Variants in ALDH9A1 observed in about 807,000 individuals in gnomAD.
ALDH9A1 encodes aldehyde dehydrogenase 9 family member A1, also known as 4-trimethylaminobutyraldehyde dehydrogenase.
Under a neutral mutation model 56.6 loss-of-function variants are expected in ALDH9A1, and 42 were observed. The ratio of observed to expected loss-of-function variants is 0.74; its 90% CI spans 0.58 to 0.96. ALDH9A1 has a LOEUF of 0.96. ALDH9A1 is among the 40% of genes least tolerant of loss of function. ALDH9A1 has a pLI of 0.00. For missense variants in ALDH9A1, 661 were observed against 651.5 expected (o/e 1.01, Z -0.16); for synonymous variants, 242 against 236.0 (o/e 1.03, Z -0.23).
chr1:165,663,010 T>A lies in ALDH9A1; in HGVS notation c.*40A>T. 6.5e-7 allele frequency: 1 copy of A among 1,550,340 alleles called. No individual in the cohort carries two copies. The highest frequency in any genetic ancestry group is 8.9e-7 in the Non-Finnish European group (1 of 1,121,954). On this transcript the variant is annotated 3_prime_UTR_variant, in exon 11 of 11. Coordinates refer to ENST00000354775, the MANE Select transcript of ALDH9A1 (RefSeq NM_000696.4). ...TGTAAACAGGGCCAATTCACATCAT[T>A]CCACAGCGTGGCCATGTCAATAGGT...
intron 2 of ALDH9A1, among the ~76,000 whole-genome samples, chr1:165,694,669 AAG>A (rs1226678664): frequency 1.3e-5 from 2 of 152,190 alleles, no homozygotes; most frequent in African/African-American, 2.4e-5. Context: ...TTTAAAAAGA[AAG>A]AAAGGCTGGG....
chr1:165,695,076 C>T (rs1004909576), intron 2 of ALDH9A1, among the ~76,000 whole-genome samples, 176 bp downstream of exon 2: 1 of 152,036 alleles, frequency 6.6e-6, no homozygotes, highest in Non-Finnish European at 1.5e-5. Context: ...AGCCAACATC[C>T]AGATGGGAAG....
intron 3 of ALDH9A1, among the ~76,000 whole-genome samples, chr1:165,682,565 G>A (rs565878710): frequency 1.3e-5 from 2 of 152,282 alleles, no homozygotes; most frequent in Non-Finnish European, 2.9e-5. Flanking sequence ...CTCAACAGCA[G>A]GGGAAGCATG....
At chr1:165,664,920 C>T in intron 10 of ALDH9A1, 98 bp downstream of exon 10, 1 of 905,660 alleles carries the variant, frequency 1.1e-6, no homozygotes, top group Non-Finnish European at 1.8e-6. Context: ...CCAGGTAATT[C>T]AGATATGCAG....
At chr1:165,676,852 G>T in intron 6 of ALDH9A1, 1 of 290,766 alleles carries the variant, frequency 3.4e-6, no homozygotes, top group Non-Finnish European at 6.5e-6. Context: ...AGAGAAGTGT[G>T]GTGTCCTCTC....
rs1004909511 is a variant in ALDH9A1 at position 165,669,040 on chromosome 1, G to A, written c.1120-27C>T. The A allele has an allele frequency of 8.4e-6, 13 of 1,545,510 alleles. No homozygotes were observed. The African/African-American group carries it at 1.1e-4, about 13-fold the overall frequency. ...TGCCGAAAAGGAAAAAAGATATGTT[G>A]TATTAAAAATATAACCCCAAAATGC... is the stretch of plus-strand genomic sequence containing the variant. On this transcript the variant is annotated intron_variant, in intron 7 of 10. Transcript: ENST00000354775.
chr1:165,665,261 A>G, intron 9 of ALDH9A1, 131 bp from the exon 10 acceptor site: 1 of 720,004 alleles, frequency 1.4e-6, no homozygotes, highest in Admixed American at 2.7e-5. Context: ...ATGTTTTAAA[A>G]TCTTTTATCA....
At chr1:165,696,690 C>G (rs1187796790) in intron 1 of ALDH9A1, among the ~76,000 whole-genome samples, 3 of 152,114 alleles carry the variant, frequency 2.0e-5, no homozygotes, top group African/African-American at 7.2e-5. Context: ...CTGCCTCTAC[C>G]AACAAGAATT....
chr1:165,671,377 A>T (rs1649174487), intron 6 of ALDH9A1: 1 of 453,024 alleles, frequency 2.2e-6, no homozygotes. Flanking sequence ...GACGACATGA[A>T]GGAGCAGATT....
intron 10 of ALDH9A1, among the ~76,000 whole-genome samples, 193 bp downstream of exon 10, chr1:165,664,825 A>C (rs1212110622): frequency 6.6e-6 from 1 of 152,222 alleles, no homozygotes; most frequent in Non-Finnish European, 1.5e-5. Flanking sequence ...AGATTTAGGG[A>C]GTGTTGGGTA....
chr1:165,673,612 C>T (rs1649251378), intron 6 of ALDH9A1, among the ~76,000 whole-genome samples: 1 of 152,150 alleles, frequency 6.6e-6, no homozygotes, highest in Admixed American at 6.5e-5. Context: ...CTCTGGATAT[C>T]ACCTTTTGTC....
At position 165,664,895 on chromosome 1, in the gene ALDH9A1, G is replaced by C; in HGVS notation, c.1462+123C>G. On this transcript the variant is annotated intron_variant, in intron 10 of 10. Transcript: ENST00000354775. ...CTACAGTGGATCTGGGGAAGGACCA[G>C]GAACCTGTATTTCCCCAGGTAATTC... The C allele has an allele frequency of 4.1e-6, 3 of 739,338 alleles. No individual in the cohort carries two copies. The South Asian group carries it at 5.3e-5, about 13-fold the overall frequency. The allele number at this position is 739,338 out of a possible 1,614,324, so 45.8% of individuals were successfully genotyped here. A position where few individuals can be genotyped will look rare whatever the true frequency, so the allele number is the denominator to read the frequency against.
intron 2 of ALDH9A1, among the ~76,000 whole-genome samples, chr1:165,686,535 G>C (rs1464275831): frequency 1.4e-5 from 2 of 147,142 alleles, no homozygotes; most frequent in African/African-American, 2.5e-5. Context: ...AAAAGCCCCA[G>C]AACTCACACA....
chr1:165,669,488 T>A, intron 6 of ALDH9A1, 38 bp from the exon 7 acceptor site: 1 of 1,518,418 alleles, frequency 6.6e-7, no homozygotes, highest in Non-Finnish European at 8.8e-7. Context: ...TCTATGTGTG[T>A]AAGGAGAAAA....
intron 2 of ALDH9A1, among the ~76,000 whole-genome samples, chr1:165,694,053 CG>C (rs1269328156): frequency 2.0e-5 from 1 of 50,402 alleles, no homozygotes; most frequent in Non-Finnish European, 3.8e-5. Context: ...CATCACACAC[CG>C]GGGCCGTAGG....
Position 165,663,121 on chromosome 1 carries a change from C to T in ALDH9A1, c.1486G>A (p.Val496Met), listed in dbSNP as rs1230653583. The change falls in exon 11 of 11, where the codon GTG (valine) becomes ATG (methionine). Residue 496 changes from valine (V) to methionine (M), a missense_variant. Val to Met is a conservative substitution (Grantham distance 21). Coordinates refer to ENST00000354775, the MANE Select transcript of ALDH9A1 (RefSeq NM_000696.4). ...KSGFGRENGRVTIEYYSQLKT... is the reference protein window; with the variant it reads ...KSGFGRENGRMTIEYYSQLKT... ...AGCTGTGAATAATATTCGATTGTCA[C>T]ACGGCCGTTCTCTCTGCCAAATCCT... 9 of 1,614,058 alleles carry T rather than the reference C, an allele frequency of 5.6e-6. No individual in the cohort carries two copies. The highest frequency in any genetic ancestry group is 7.6e-6 in the Non-Finnish European group (9 of 1,179,946).
chr1:165,670,574 T>C (rs1047218872), intron 6 of ALDH9A1, among the ~76,000 whole-genome samples: 7 of 152,096 alleles, frequency 4.6e-5, no homozygotes, highest in African/African-American at 1.7e-4. Context: ...ATTTTATGCA[T>C]GGCAAATACC....
intron 2 of ALDH9A1, among the ~76,000 whole-genome samples, chr1:165,688,135 G>A (rs1649772233): frequency 1.3e-5 from 2 of 152,048 alleles, no homozygotes; most frequent in South Asian, 4.2e-4. Flanking sequence ...TGGGCAACAT[G>A]AATAAACCCG....
chr1:165,682,897 A>T (rs1481864006), intron 3 of ALDH9A1, 84 bp downstream of exon 3: 4 of 1,483,866 alleles, frequency 2.7e-6, no homozygotes, highest in Non-Finnish European at 3.6e-6. Flanking sequence ...GTTTGTCTTA[A>T]TTCCAAAATC....
Sources: allele counts gnomAD v4.1 joint callset (sites outside exome capture counted in the v4.1 genomes callset), GRCh38; gene constraint gnomAD v4.1.1; transcripts MANE v1.5; gene names NCBI Gene and HGNC (gene_info 2026-07-23, HGNC 2026-07-21).